The following ENPP3 variants were observed in gnomAD, a reference collection of about 807,000 sequenced individuals.
The protein encoded by ENPP3 is ectonucleotide pyrophosphatase/phosphodiesterase 3, also known as ectonucleotide pyrophosphatase/phosphodiesterase family member 3.
A neutral mutation model predicts 117.8 loss-of-function variants in ENPP3; 104 were observed. The observed-to-expected ratio is 0.88, with a 90% CI of 0.75 to 1.04. ENPP3 has a LOEUF of 1.04. Ranked by LOEUF, ENPP3 falls within the 50% of genes least tolerant of loss-of-function variation. The probability of loss-of-function intolerance (pLI) is 0.00; values close to 1 mark genes in which losing one functional copy is unlikely to be tolerated. For synonymous variants in ENPP3, 380 were observed against 349.9 expected, an observed-to-expected ratio of 1.09 and a Z score of -0.96; for missense variants, 1,026 against 1,051.9, an observed-to-expected ratio of 0.98 and a Z score of 0.34.
At chr6:131,714,022 A>G (rs906171631) in intron 15 of ENPP3, among the ~76,000 whole-genome samples, 1 of 149,470 alleles carries the variant, frequency 6.7e-6, no homozygotes, top group African/African-American at 2.5e-5. Flanking sequence ...TGCTTAGAAC[A>G]CTAACATTAG....
intron 7 of ENPP3, among the ~76,000 whole-genome samples, chr6:131,672,540 C>T (rs1327494293): frequency 1.3e-5 from 2 of 151,916 alleles, no homozygotes; most frequent in African/African-American, 4.8e-5. Flanking sequence ...ACAAAAATGT[C>T]GTAATCAGAG....
chr6:131,682,552 G>A (rs975008869), intron 11 of ENPP3, among the ~76,000 whole-genome samples: 10 of 152,130 alleles, frequency 6.6e-5, no homozygotes, highest in African/African-American at 2.4e-4. Context: ...AATCAGTAAT[G>A]TGATGACTGT....
At chr6:131,652,447 G>C (rs1330252370) in intron 3 of ENPP3, 95 bp from the exon 4 acceptor site, 12 of 1,250,976 alleles carry the variant, frequency 9.6e-6, no homozygotes, top group African/African-American at 4.6e-5. Context: ...CCAAGAATTT[G>C]ATTGTGTTAT....
intron 15 of ENPP3, among the ~76,000 whole-genome samples, chr6:131,698,502 T>C (rs1464758642): frequency 3.3e-5 from 1 of 30,354 alleles, no homozygotes; most frequent in Admixed American, 3.7e-4. Flanking sequence ...GCAATTTAGA[T>C]AGAAGTTAGT....
At chr6:131,742,323 A>T (rs1780543180) in intron 24 of ENPP3, among the ~76,000 whole-genome samples, 1 of 152,134 alleles carries the variant, frequency 6.6e-6, no homozygotes, top group African/African-American at 2.4e-5. Flanking sequence ...GGTACTCTTT[A>T]CCATGAAATC....
intron 8 of ENPP3, 80 bp from the exon 9 acceptor site, chr6:131,675,000 T>C (rs1778834370): frequency 2.5e-6 from 2 of 796,254 alleles, no homozygotes; most frequent in African/African-American, 3.4e-5. Context: ...CAACTATTAA[T>C]CTTGTTTAGT....
At chr6:131,669,676 AAAAG>A (rs1431329777) in intron 6 of ENPP3, among the ~76,000 whole-genome samples, 11 of 146,430 alleles carry the variant, frequency 7.5e-5, no homozygotes, top group African/African-American at 2.1e-4. Context: ...AAAAAAAAAA[AAAAG>A]AAAGAAAGAA....
chr6:131,673,723 AG>A (rs1730148092), intron 7 of ENPP3, among the ~76,000 whole-genome samples: 1 of 151,812 alleles, frequency 6.6e-6, no homozygotes, highest in South Asian at 2.1e-4. Flanking sequence ...ACAGACAGAA[AG>A]AAAGAAAGAA....
intron 14 of ENPP3, among the ~76,000 whole-genome samples, chr6:131,688,267 C>G (rs1212863471): frequency 6.6e-6 from 1 of 152,166 alleles, no homozygotes; most frequent in Non-Finnish European, 1.5e-5. Context: ...CGTCCCCCTC[C>G]TCGCTTCTGG....
rs568077443 is a variant in ENPP3 at position 131,717,433 on chromosome 6, TG to T, written c.1413-1235del. 1.8e-4 allele frequency among the ~76,000 whole-genome samples: 18 copies of T among 100,088 alleles called. No individual in the cohort carries two copies. The South Asian group carries it at 5.5e-3, about 30-fold the overall frequency. The allele number at this position is 100,088 out of a possible 152,430, so 65.7% of individuals were successfully genotyped here. On this transcript the variant is annotated intron_variant, in intron 15 of 24. Coordinates refer to ENST00000357639, the MANE Select transcript of ENPP3 (RefSeq NM_005021.5). ...TTGCCCTTGGGGTGAGAGGTGAGGG[TG>T]GGGAAGAAAATGAGAGAATCTTTTA...
Position 131,678,996 on chromosome 6 carries a change from TC to T in ENPP3, c.1011+1058del, listed in dbSNP as rs1159713767. Among the ~76,000 whole-genome samples, 72 of 110,890 alleles carry T rather than the reference TC, an allele frequency of 6.5e-4. 2 individuals are homozygous for T. The highest frequency in any genetic ancestry group is 3.5e-3 in the African/African-American group (69 of 19,642). The allele number at this position is 110,890 out of a possible 152,430, so 72.7% of individuals were successfully genotyped here. ...TTCCTTCCTTCCTTCCTTCCTTCCT[TC>T]CTTGCTTCCTTCCTTCCTTCCTTCC... On this transcript the variant is annotated intron_variant, in intron 11 of 24. Transcript: ENST00000357639.
At chr6:131,654,134 TTA>T (rs1489962381) in intron 5 of ENPP3, among the ~76,000 whole-genome samples, 1 of 149,120 alleles carries the variant, frequency 6.7e-6, no homozygotes, top group South Asian at 2.1e-4. Context: ...ATTATTATTA[TTA>T]TTATTATTAT....
intron 10 of ENPP3, 36 bp from the exon 11 acceptor site, chr6:131,677,832 A>G (rs1270421563): frequency 3.0e-6 from 4 of 1,345,592 alleles, no homozygotes; most frequent in African/African-American, 2.9e-5. Flanking sequence ...TTTATAGCAA[A>G]TTGATAATAT....
chr6:131,675,158 T>A lies in ENPP3; in HGVS notation c.841T>A (p.Ser281Thr). ...CGGATCAGAAGTGGCTATAAATGGCTCCTTTCCTTCCATATACATGCCTTA... is the reference window on the plus strand; with the variant it reads ...CGGATCAGAAGTGGCTATAAATGGCACCTTTCCTTCCATATACATGCCTTA... ...WPGSEVAINGSFPSIYMPYNG... is the reference protein window; with the variant it reads ...WPGSEVAINGTFPSIYMPYNG... The change falls in exon 9 of 25, where the codon TCC becomes ACC. Residue 281 changes from serine (S) to threonine (T), a missense_variant. Coordinates refer to ENST00000357639, the MANE Select transcript of ENPP3 (RefSeq NM_005021.5). The A allele has an allele frequency of 6.2e-7, 1 of 1,611,874 alleles. No homozygotes were observed. The highest frequency in any genetic ancestry group is 1.1e-5 in the South Asian group (1 of 91,030).
chr6:131,655,091 A>G (rs1160695578), intron 5 of ENPP3, among the ~76,000 whole-genome samples: 2 of 152,232 alleles, frequency 1.3e-5, no homozygotes, highest in Non-Finnish European at 2.9e-5. Flanking sequence ...TATGGTACAT[A>G]GTAGGTACTC....
rs867693391 is a variant in ENPP3 at position 131,738,730 on chromosome 6, C to T, written c.2300+567C>T. On this transcript the variant is annotated intron_variant, in intron 23 of 24. Coordinates refer to ENST00000357639, the MANE Select transcript of ENPP3 (RefSeq NM_005021.5). ...AAGAATTAGTTTTGAATGCAGAGCA[C>T]AGTAATAGAGTTTTAGAGAAGTTTC... is the stretch of plus-strand genomic sequence containing the variant. 1.6e-4 allele frequency among the ~76,000 whole-genome samples: 24 copies of T among 152,214 alleles called. No individual in the cohort carries two copies. In the Middle Eastern group the frequency reaches 0.014, roughly 86 times the overall value.
intron 12 of ENPP3, among the ~76,000 whole-genome samples, chr6:131,684,647 G>A (rs946677424): frequency 6.6e-6 from 1 of 150,608 alleles, no homozygotes; most frequent in East Asian, 1.9e-4. Context: ...TCACACCACT[G>A]CACTATAGCC....
intron 24 of ENPP3, among the ~76,000 whole-genome samples, chr6:131,746,120 G>T (rs1210792433): frequency 6.6e-6 from 1 of 151,898 alleles, no homozygotes. Flanking sequence ...GTACTCTATG[G>T]CCCAACAATT....
chr6:131,688,348 T>C (rs921313274), intron 14 of ENPP3, among the ~76,000 whole-genome samples: 2 of 152,202 alleles, frequency 1.3e-5, no homozygotes, highest in African/African-American at 4.8e-5. Context: ...GGCTTCTAAA[T>C]GTTAAAGTAA....
Sources: gnomAD v4.1 joint callset for allele counts (sites outside exome capture counted in the v4.1 genomes callset) on GRCh38, gnomAD v4.1.1 for gene constraint, MANE v1.5 for transcripts, NCBI Gene and HGNC (gene_info 2026-07-23, HGNC 2026-07-21) for gene names.